VWA8: variants seen among roughly 807,000 people sequenced by gnomAD.
VWA8 encodes von Willebrand factor A domain containing 8, also known as von Willebrand factor A domain-containing protein 8.
Under a neutral mutation model 241.5 loss-of-function variants are expected in VWA8, and 221 were observed. The ratio of observed to expected loss-of-function variants is 0.91; its 90% CI spans 0.82 to 1.02. The LOEUF is 1.02. Among genes scored for constraint, VWA8 ranks in the 50% least tolerant of loss-of-function variants. The pLI, the probability that VWA8 is intolerant of heterozygous loss-of-function variation, is 0.00. For missense variants in VWA8, 2,322 were observed against 2,328.7 expected (o/e 1.00, Z 0.06); for synonymous variants, 852 against 827.1 (o/e 1.03, Z -0.52).
intron 14 of VWA8, among the ~76,000 whole-genome samples, chr13:41,819,758 C>G (rs546842069): frequency 6.6e-6 from 1 of 152,176 alleles, no homozygotes; most frequent in Non-Finnish European, 1.5e-5. Flanking sequence ...TAAAACCCCT[C>G]AGAATCTCCT....
intron 43 of VWA8, 147 bp from the exon 44 acceptor site, chr13:41,570,853 C>T: frequency 1.5e-6 from 1 of 675,074 alleles, no homozygotes; most frequent in Non-Finnish European, 2.5e-6. Context: ...ATTTAATTTG[C>T]ATATTTGAGT....
At chr13:41,924,810 G>A (rs773450670) in intron 2 of VWA8, among the ~76,000 whole-genome samples, 9 of 151,006 alleles carry the variant, frequency 6.0e-5, no homozygotes, top group Middle Eastern at 3.4e-3. Context: ...TGTGCACAAC[G>A]TGCAAGTCAG....
At position 41,865,962 on chromosome 13, in the gene VWA8, C is replaced by A; in HGVS notation, c.1287G>T (p.Gln429His). 6.2e-7 allele frequency: 1 copy of A among 1,614,208 alleles called. No homozygotes were observed. The highest frequency in any genetic ancestry group is 8.5e-7 in the Non-Finnish European group (1 of 1,180,038). ...GAGACTGCATCATTTCAGCCTGTAGCTGCTTATGGCTCAAAGTCTGTATGA... is the reference window on the plus strand; with the variant it reads ...GAGACTGCATCATTTCAGCCTGTAGATGCTTATGGCTCAAAGTCTGTATGA... The part of the protein sequence containing the change: ...DRFIQTLSHK[Q>H]LQAEMMQSHM... The change falls in exon 11 of 45, where the codon CAG (glutamine) becomes CAT (histidine). Residue 429 changes from glutamine (Q) to histidine (H), a missense_variant. Gln to His is a conservative substitution (Grantham distance 24, BLOSUM62 0). Coordinates refer to ENST00000379310, the MANE Select transcript of VWA8 (RefSeq NM_015058.2).
chr13:41,585,185 T>C (rs1349002072), intron 42 of VWA8, among the ~76,000 whole-genome samples: 2 of 152,218 alleles, frequency 1.3e-5, no homozygotes, highest in Admixed American at 6.5e-5. Flanking sequence ...TTCCATATTA[T>C]AGACTTTTAT....
Position 41,699,192 on chromosome 13 carries a change from C to A in VWA8, c.3443G>T (p.Gly1148Val), listed in dbSNP as rs759283527. The A allele has an allele frequency of 6.2e-6, 10 of 1,614,030 alleles. No homozygotes were observed. The Admixed American group carries it at 1.3e-4, about 22-fold the overall frequency. ...GATATCAAAAAAGTCCACAAAGAAGCCACTTTTCCCAGTCATATTCATAAA... is the reference window on the plus strand; with the variant it reads ...GATATCAAAAAAGTCCACAAAGAAGACACTTTTCCCAGTCATATTCATAAA... Reference protein sequence around the residue: ...LYFMNMTGKSGFFVDFFDIFP... With the variant: ...LYFMNMTGKSVFFVDFFDIFP... The change falls in exon 29 of 45, where the codon GGC becomes GTC. Residue 1148 changes from glycine (G) to valine (V), a missense_variant. Gly to Val is a moderately radical substitution (Grantham distance 109). Coordinates refer to ENST00000379310, the MANE Select transcript of VWA8 (RefSeq NM_015058.2).
intron 37 of VWA8, among the ~76,000 whole-genome samples, chr13:41,636,517 G>A (rs562714991): frequency 4.8e-4 from 73 of 152,142 alleles, no homozygotes; most frequent in African/African-American, 1.6e-3. Flanking sequence ...ATAGGCATGC[G>A]CAAGGACTTC....
At chr13:41,882,639 C>CA (rs1489034332) in intron 9 of VWA8, among the ~76,000 whole-genome samples, 1 of 152,144 alleles carries the variant, frequency 6.6e-6, no homozygotes, top group East Asian at 1.9e-4. Flanking sequence ...CCGTCTCCAC[C>CA]AAAAAAATAC....
rs2044501840 is a variant in VWA8 at position 41,598,453 on chromosome 13, AC to A, written c.4986+6714del. Among the ~76,000 whole-genome samples the A allele has an allele frequency of 2.0e-5, 3 of 152,090 alleles. No individual in the cohort carries two copies. The South Asian group carries it at 6.2e-4, about 32-fold the overall frequency. ...AAATATATTTACCACAATTATTTAG[AC>A]CTGATTTTGTGTTGAACTGCTTCTA... On this transcript the variant is annotated intron_variant, in intron 40 of 44. Coordinates refer to ENST00000379310, the MANE Select transcript of VWA8 (RefSeq NM_015058.2).
chr13:41,897,256 T>C (rs1212247344), intron 4 of VWA8, among the ~76,000 whole-genome samples: 2 of 151,618 alleles, frequency 1.3e-5, no homozygotes, highest in South Asian at 4.2e-4. Flanking sequence ...GTAAAGGATC[T>C]GAACAGACAT....
chr13:41,750,816 T>G (rs1316704600), intron 21 of VWA8, among the ~76,000 whole-genome samples: 1 of 151,912 alleles, frequency 6.6e-6, no homozygotes, highest in East Asian at 1.9e-4. Flanking sequence ...GAATCCACTC[T>G]AGGTGAAAAT....
rs2044270145 is a variant in VWA8, at chr13:41,567,688, AATC to A, written c.*506_*508del. 6.6e-6 allele frequency: 1 copy of A among 152,294 alleles called. No individual in the cohort carries two copies. Among genetic ancestry groups the A allele is most frequent in the South Asian group, 2.1e-4 (1 of 4,838 alleles). The allele number at this position is 152,294 out of a possible 1,614,324, so 9.4% of individuals were successfully genotyped here. On this transcript the variant is annotated 3_prime_UTR_variant, in exon 45 of 45. Transcript: ENST00000379310. The stretch of plus-strand genomic sequence containing the variant: ...CTTTTTGGTGGGTTAAATATTATAA[AATC>A]ATTGTTTTCTGGTCAATACAGAGCA...
At chr13:41,591,151 T>A (rs1345359551) in intron 40 of VWA8, among the ~76,000 whole-genome samples, 1 of 152,236 alleles carries the variant, frequency 6.6e-6, no homozygotes, top group Non-Finnish European at 1.5e-5. Context: ...AGAGAAAATG[T>A]GACCTTTAGA....
intron 41 of VWA8, among the ~76,000 whole-genome samples, chr13:41,590,409 C>T (rs561397365): frequency 1.3e-4 from 20 of 151,934 alleles, no homozygotes; most frequent in Non-Finnish European, 2.6e-4. Context: ...CTTAAATTAC[C>T]TAATTTGAGC....
At chr13:41,793,789 C>A (rs1869562697) in intron 17 of VWA8, among the ~76,000 whole-genome samples, 1 of 152,176 alleles carries the variant, frequency 6.6e-6, no homozygotes, top group African/African-American at 2.4e-5. Flanking sequence ...GCACTGCAGC[C>A]TGGCGACAGA....
At chr13:41,750,266 C>G (rs911147903) in intron 21 of VWA8, among the ~76,000 whole-genome samples, 12 of 151,882 alleles carry the variant, frequency 7.9e-5, no homozygotes, top group East Asian at 3.9e-4. Context: ...AACCCTGTCT[C>G]TACTAAAAAT....
chr13:41,600,624 C>T (rs575513535), intron 40 of VWA8, among the ~76,000 whole-genome samples: 12 of 152,230 alleles, frequency 7.9e-5, no homozygotes, highest in African/African-American at 2.9e-4. Flanking sequence ...TGCTCCTGAA[C>T]TCCAAATTCA....
intron 12 of VWA8, among the ~76,000 whole-genome samples, chr13:41,838,962 C>T (rs906066374): frequency 1.2e-4 from 18 of 152,000 alleles, no homozygotes; most frequent in African/African-American, 3.1e-4. Flanking sequence ...AATATATGTG[C>T]GCATGTGTCT....
intron 2 of VWA8, among the ~76,000 whole-genome samples, chr13:41,913,666 T>C (rs1444955703): frequency 6.6e-6 from 1 of 152,240 alleles, no homozygotes; most frequent in Non-Finnish European, 1.5e-5. Context: ...CTGATTTTCA[T>C]TATTCTGATA....
chr13:41,814,979 A>G (rs1374016402), intron 16 of VWA8, among the ~76,000 whole-genome samples: 1 of 152,244 alleles, frequency 6.6e-6, no homozygotes, highest in Non-Finnish European at 1.5e-5. Context: ...AGAATCTTAA[A>G]GCAGAAAGAG....
Sources: gnomAD v4.1 joint callset for allele counts (sites outside exome capture counted in the v4.1 genomes callset) on GRCh38, gnomAD v4.1.1 for gene constraint, MANE v1.5 for transcripts, NCBI Gene and HGNC (gene_info 2026-07-23, HGNC 2026-07-21) for gene names.